Variants in CRYZL1 observed in about 807,000 individuals in gnomAD.
CRYZL1 encodes crystallin zeta like 1.
In CRYZL1, 34 loss-of-function variants were observed where a neutral mutation model predicts 50.6. The observed-to-expected ratio is 0.67, with a 90% confidence interval of 0.51 to 0.89. CRYZL1 has a LOEUF of 0.89. Among genes scored for constraint, CRYZL1 ranks in the 40% least tolerant of loss-of-function variants. CRYZL1 has a pLI of 0.00. For synonymous variants in CRYZL1, 125 were observed against 134.3 expected (o/e 0.93, Z 0.48); for missense variants, 354 against 402.3 (o/e 0.88, Z 1.03).
At chr21:33,621,633 G>GTAAT (rs2087003842) in intron 4 of CRYZL1, among the ~76,000 whole-genome samples, 1 of 152,138 alleles carries the variant, frequency 6.6e-6, no homozygotes, top group African/African-American at 2.4e-5. Context: ...GAGCCACTGC[G>GTAAT]CCTGGCCAAA....
chr21:33,627,268 TA>T (rs749208872), intron 2 of CRYZL1, among the ~76,000 whole-genome samples: 28 of 152,282 alleles, frequency 1.8e-4, no homozygotes, highest in Admixed American at 7.8e-4. Context: ...CATGCCCAGC[TA>T]ATTTTTTTGG....
chr21:33,620,533 A>G (rs2086982657), intron 4 of CRYZL1, among the ~76,000 whole-genome samples: 1 of 151,584 alleles, frequency 6.6e-6, no homozygotes, highest in African/African-American at 2.4e-5. Flanking sequence ...AAAAGGGGCC[A>G]GGGATGGTGG....
At chr21:33,599,357 G>C in intron 8 of CRYZL1, 109 bp from the exon 9 acceptor site, 1 of 1,406,794 alleles carries the variant, frequency 7.1e-7, no homozygotes, top group Non-Finnish European at 9.9e-7. Flanking sequence ...CTTGAAATGA[G>C]TTAAGCAATT....
At chr21:33,635,222 G>A (rs967482652) in intron 1 of CRYZL1, among the ~76,000 whole-genome samples, 4 of 151,726 alleles carry the variant, frequency 2.6e-5, no homozygotes, top group South Asian at 4.2e-4. Flanking sequence ...AGTCTATTAC[G>A]TAACAAAATT....
At chr21:33,604,506 G>C (rs2086790923) in intron 6 of CRYZL1, among the ~76,000 whole-genome samples, 1 of 150,036 alleles carries the variant, frequency 6.7e-6, no homozygotes, top group South Asian at 2.1e-4. Context: ...TCCAGCCTGG[G>C]TGACAGAGCA....
At chr21:33,601,862 G>C (rs1389363568) in intron 8 of CRYZL1, among the ~76,000 whole-genome samples, 1 of 150,368 alleles carries the variant, frequency 6.7e-6, no homozygotes, top group Non-Finnish European at 1.5e-5. Context: ...ATACTGCAGT[G>C]AGCCACGATT....
Position 33,603,262 on chromosome 21 carries a change from T to G in CRYZL1, c.465+142A>C, listed in dbSNP as rs895711519. The stretch of plus-strand genomic sequence containing the variant: ...TCTTCTATTGATAAAAGCTGCTTAT[T>G]ATAACAAAATAGGACACTGGAAAAA... On this transcript the variant is annotated intron_variant, in intron 7 of 12. Transcript: ENST00000381554. The G allele has an allele frequency of 3.2e-6, 3 of 949,932 alleles. No homozygotes were observed. In the African/African-American group the frequency reaches 4.9e-5, roughly 16 times the overall value. The allele number at this position is 949,932 out of a possible 1,614,324, so 58.8% of individuals were successfully genotyped here. A position where few individuals can be genotyped will look rare whatever the true frequency, so the allele number is the denominator to read the frequency against.
chr21:33,628,023 G>A (rs1297723513), intron 2 of CRYZL1, among the ~76,000 whole-genome samples: 1 of 152,116 alleles, frequency 6.6e-6, no homozygotes, highest in Admixed American at 6.5e-5. Flanking sequence ...GGGATTATAG[G>A]CGTAAGCCAC....
rs138891371 is a variant in CRYZL1, at chr21:33,603,540, A to G, written c.332-3T>C. The G allele has an allele frequency of 2.0e-5, 32 of 1,613,956 alleles. No individual in the cohort carries two copies. In the East Asian group the frequency reaches 6.7e-4, roughly 34 times the overall value. ...TGTGACCTTTTCTGGTTTATGAACT[A>G]TCATAAAGAACAAGAAGAAACAATC... On this transcript the variant is annotated splice_region_variant and splice_polypyrimidine_tract_variant and intron_variant, in intron 6 of 12. Coordinates refer to ENST00000381554, the MANE Select transcript of CRYZL1 (RefSeq NM_145858.3).
chr21:33,613,861 C>T (rs957698127), intron 5 of CRYZL1, among the ~76,000 whole-genome samples: 14 of 152,146 alleles, frequency 9.2e-5, no homozygotes, highest in African/African-American at 3.1e-4. Context: ...TTGGGAGCAT[C>T]TGGACTCCTT....
intron 6 of CRYZL1, among the ~76,000 whole-genome samples, chr21:33,607,089 T>C (rs1237851529): frequency 6.6e-6 from 1 of 152,188 alleles, no homozygotes; most frequent in East Asian, 1.9e-4. Flanking sequence ...CTTTCTAGTT[T>C]AGCTCCAAAG....
At chr21:33,636,118 A>T (rs2087204127) in intron 1 of CRYZL1, among the ~76,000 whole-genome samples, 1 of 152,066 alleles carries the variant, frequency 6.6e-6, no homozygotes, top group Non-Finnish European at 1.5e-5. Flanking sequence ...CTTTTTGCCC[A>T]GAGTGGTGGC....
intron 5 of CRYZL1, among the ~76,000 whole-genome samples, chr21:33,614,785 T>G (rs187587720): frequency 6.6e-6 from 1 of 152,290 alleles, no homozygotes; most frequent in East Asian, 1.9e-4. Flanking sequence ...TTGGCCAGGC[T>G]GGTCTCGAAC....
In CRYZL1 at chr21:33,604,400, G is replaced by A. The variant is rs1601331448; in HGVS notation, c.332-863C>T. 2.8e-5 allele frequency among the ~76,000 whole-genome samples: 4 copies of A among 145,048 alleles called. No individual in the cohort carries two copies. The South Asian group carries it at 8.7e-4, about 32-fold the overall frequency. On this transcript the variant is annotated intron_variant, in intron 6 of 12. Coordinates refer to ENST00000381554, the MANE Select transcript of CRYZL1 (RefSeq NM_145858.3). ...AAAAAGTAGCCAGGCGTGGTGGCAG[G>A]CGCCTTTGGTCCCAACTACTGGAGA...
chr21:33,608,841 T>C (rs939367663), intron 6 of CRYZL1, among the ~76,000 whole-genome samples: 2 of 152,228 alleles, frequency 1.3e-5, no homozygotes, highest in African/African-American at 4.8e-5. Context: ...GCAAGACATC[T>C]GATTTCAAAG....
intron 4 of CRYZL1, 28 bp from the exon 5 acceptor site, chr21:33,616,778 A>G: frequency 6.5e-7 from 1 of 1,529,646 alleles, no homozygotes; most frequent in African/African-American, 1.4e-5. Context: ...TTAATAGTTA[A>G]TATTACAAGT....
chr21:33,593,247 C>T (rs1445622405), intron 11 of CRYZL1, among the ~76,000 whole-genome samples: 5 of 151,852 alleles, frequency 3.3e-5, no homozygotes, highest in Non-Finnish European at 7.4e-5. Flanking sequence ...GCTGGGACTA[C>T]AGGTGCCCGC....
rs145851224 is a variant in CRYZL1 at position 33,592,849 on chromosome 21, C to T, written c.905-1642G>A. Among the ~76,000 whole-genome samples, 925 of 151,992 alleles carry T rather than the reference C, an allele frequency of 6.1e-3. 10 individuals carry two copies. The highest frequency in any genetic ancestry group is 8.0e-3 in the Non-Finnish European group (542 of 67,968). ...GGTGGATCACCTGAGGTCAAGAGTT[C>T]GAGACCAGCCTGACCAATATGGTGA... On this transcript the variant is annotated intron_variant, in intron 11 of 12. Coordinates refer to ENST00000381554, the MANE Select transcript of CRYZL1 (RefSeq NM_145858.3).
chr21:33,591,274 G>A, intron 11 of CRYZL1, 67 bp from the exon 12 acceptor site: 1 of 1,302,288 alleles, frequency 7.7e-7, no homozygotes, highest in Non-Finnish European at 1.1e-6. Flanking sequence ...AATAAGCAGA[G>A]GATGCCAGGC....
Sources: allele counts gnomAD v4.1 joint callset (sites outside exome capture counted in the v4.1 genomes callset), GRCh38; gene constraint gnomAD v4.1.1; transcripts MANE v1.5; gene names NCBI Gene and HGNC (gene_info 2026-07-23, HGNC 2026-07-21).